CHD5: variants seen among roughly 807,000 people sequenced by gnomAD.
The protein encoded by CHD5 is ATP-dependent chromatin remodeler CHD5.
CHD5 carries 69 observed loss-of-function variants against 230.3 expected under a neutral mutation model. The observed-to-expected ratio is 0.30, with a 90% CI of 0.25 to 0.37. The LOEUF (loss-of-function observed/expected upper bound fraction) is 0.37. Among genes scored for constraint, CHD5 ranks in the 10% least tolerant of loss-of-function variants. CHD5 has a pLI of 1.00. For missense variants in CHD5, 1,827 were observed against 2,622.8 expected (o/e 0.70, Z 6.63); for synonymous variants, 1,064 against 1,065.9 (o/e 1.00, Z 0.03).
At chr1:6,137,493 C>T (rs1666764268) in intron 15 of CHD5, among the ~76,000 whole-genome samples, 1 of 152,134 alleles carries the variant, frequency 6.6e-6, no homozygotes, top group South Asian at 2.1e-4. Context: ...TCCCCCACTC[C>T]CCCCAGGGTT....
At chr1:6,106,368 T>C (rs1666166477) in intron 40 of CHD5, 27 bp downstream of exon 40, 2 of 1,610,300 alleles carry the variant, frequency 1.2e-6, no homozygotes, top group Non-Finnish European at 1.7e-6. Context: ...CCCGTGTGCA[T>C]GCTGCCCGGA....
chr1:6,177,142 C>A (rs56981723), intron 1 of CHD5, among the ~76,000 whole-genome samples: 1 of 152,170 alleles, frequency 6.6e-6, no homozygotes, highest in Non-Finnish European at 1.5e-5. Context: ...TAGCCGTAGA[C>A]TGAAAAATCA....
chr1:6,177,571 G>T (rs950072511), intron 1 of CHD5, among the ~76,000 whole-genome samples: 2 of 152,218 alleles, frequency 1.3e-5, no homozygotes, highest in Non-Finnish European at 2.9e-5. Flanking sequence ...TGAGGCAGGA[G>T]GATCGCTTGA....
rs184059502 is a variant in CHD5 at position 6,105,122 on chromosome 1, C to T, written c.*352G>A. 3.4e-4 allele frequency: 113 copies of T among 334,018 alleles called. No individual in the cohort carries two copies. Among genetic ancestry groups the T allele is most frequent in the African/African-American group, 1.9e-3 (90 of 46,352 alleles). 20.7% of individuals were successfully genotyped at this position (334,018 alleles called of 1,614,324 possible). On this transcript the variant is annotated 3_prime_UTR_variant, in exon 42 of 42. Coordinates refer to ENST00000262450, the MANE Select transcript of CHD5 (RefSeq NM_015557.3). The surrounding 1 kb of genome is among the most constrained non-coding windows in gnomAD (Gnocchi z 4.8). Reference sequence around the variant, plus strand: ...GTCATCCAACTTTTATCAAGACAAACGTGTTCAAGTCTTCAATAGGAAAGT... The same window carrying T: ...GTCATCCAACTTTTATCAAGACAAATGTGTTCAAGTCTTCAATAGGAAAGT...
chr1:6,132,362 C>G (rs1432763560), intron 20 of CHD5, among the ~76,000 whole-genome samples: 12 of 152,214 alleles, frequency 7.9e-5, no homozygotes, highest in Non-Finnish European at 1.8e-4. Flanking sequence ...TGAGAACGAT[C>G]TGGCTGCCCT....
At chr1:6,161,670 A>C (rs1411765247) in intron 2 of CHD5, among the ~76,000 whole-genome samples, 1 of 152,140 alleles carries the variant, frequency 6.6e-6, no homozygotes, top group Non-Finnish European at 1.5e-5. Flanking sequence ...GGGGAGGTGG[A>C]GATGAGACAG....
chr1:6,111,906 C>T (rs1421537862), intron 35 of CHD5, 23 bp from the exon 36 acceptor site: 1 of 1,606,070 alleles, frequency 6.2e-7, no homozygotes, highest in African/African-American at 1.3e-5. Context: ...CCAAGGTGAG[C>T]AGGGTGAGAA....
Position 6,146,967 on chromosome 1 carries a change from T to G in CHD5, c.1384-96A>C. On this transcript the variant is annotated intron_variant, in intron 9 of 41. Coordinates refer to ENST00000262450, the MANE Select transcript of CHD5 (RefSeq NM_015557.3). The surrounding 1 kb of genome is among the most constrained non-coding windows in gnomAD (Gnocchi z 5.1). Reference sequence around the variant, plus strand: ...AGGCTGCCATGCAGGCTCCCTCCCATCAGTGCCACTGCCCCCAAGTCAGAA... The same window carrying G: ...AGGCTGCCATGCAGGCTCCCTCCCAGCAGTGCCACTGCCCCCAAGTCAGAA... 1 of 921,490 alleles carries G rather than the reference T, an allele frequency of 1.1e-6. No homozygotes were observed. The highest frequency in any genetic ancestry group is 1.8e-5 in the South Asian group (1 of 57,072). The allele number at this position is 921,490 out of a possible 1,614,324, so 57.1% of individuals were successfully genotyped here.
At chr1:6,174,235 G>GGA (rs1030812047) in intron 1 of CHD5, among the ~76,000 whole-genome samples, 3 of 152,010 alleles carry the variant, frequency 2.0e-5, no homozygotes, top group Non-Finnish European at 2.9e-5. Context: ...GGGGACAGAG[G>GGA]GAGAGAGAGA....
rs1431775984 is a variant in CHD5, at chr1:6,103,523, A to G, written c.*1951T>C. Reference sequence around the variant, plus strand: ...CCAAGGAAGGTGGGCACTGCTCCCAACGAGGGCCAACCCCAGTGCTTGCCA... The same window carrying G: ...CCAAGGAAGGTGGGCACTGCTCCCAGCGAGGGCCAACCCCAGTGCTTGCCA... On this transcript the variant is annotated 3_prime_UTR_variant, in exon 42 of 42. Coordinates refer to ENST00000262450, the MANE Select transcript of CHD5 (RefSeq NM_015557.3). 1.3e-5 allele frequency: 2 copies of G among 152,464 alleles called. No individual in the cohort carries two copies. The highest frequency in any genetic ancestry group is 6.5e-5 in the Admixed American group (1 of 15,290). 9.4% of individuals were successfully genotyped at this position (152,464 alleles called of 1,614,324 possible). A position where few individuals can be genotyped will look rare whatever the true frequency, so the allele number is the denominator to read the frequency against.
Position 6,180,193 on chromosome 1 carries a change from AC to A in CHD5, c.-171del, listed in dbSNP as rs1237427668. 2.1e-4 allele frequency: 14 copies of A among 66,570 alleles called. No individual in the cohort carries two copies. The East Asian group carries it at 3.6e-3, about 17-fold the overall frequency. 4.1% of individuals were successfully genotyped at this position (66,570 alleles called of 1,614,324 possible). On this transcript the variant is annotated 5_prime_UTR_variant, in exon 1 of 42. Transcript: ENST00000262450. Reference sequence around the variant, plus strand: ...CCCAAACCTCCACCCCCCCGTCTCGACCCCCCTTTCTCTCGGCCGCCTTAGC... The same window carrying A: ...CCCAAACCTCCACCCCCCCGTCTCGACCCCCTTTCTCTCGGCCGCCTTAGC...
chr1:6,153,655 C>G (rs1352199210), intron 5 of CHD5, among the ~76,000 whole-genome samples: 2 of 152,170 alleles, frequency 1.3e-5, no homozygotes, highest in East Asian at 3.8e-4. Context: ...CACGGTGAAA[C>G]CCCGTCTCTA....
At chr1:6,115,428 C>T (rs1009982957) in intron 33 of CHD5, among the ~76,000 whole-genome samples, 8 of 152,142 alleles carry the variant, frequency 5.3e-5, no homozygotes, top group Non-Finnish European at 8.8e-5. Flanking sequence ...TTTTGCGGCA[C>T]GGGTGACCTT....
In CHD5 at chr1:6,131,004, C is replaced by G. The variant is rs943039862; in HGVS notation, c.3262+627G>C. ...GTTTGAGAGGAATCACTGCTTTGGG[C>G]GTTTGGAGAGCGTGGCCCCAGCCCC... is the stretch of plus-strand genomic sequence containing the variant. On this transcript the variant is annotated intron_variant, in intron 21 of 41. Transcript: ENST00000262450. This position sits in a 1 kb window ranked among gnomAD's most constrained non-coding sequence, Gnocchi z 5.0. 1.3e-5 allele frequency among the ~76,000 whole-genome samples: 2 copies of G among 152,274 alleles called. No homozygotes were observed. Among genetic ancestry groups the G allele is most frequent in the Non-Finnish European group, 2.9e-5 (2 of 68,044 alleles).
At chr1:6,140,277 G>A (rs1410819755) in intron 15 of CHD5, among the ~76,000 whole-genome samples, 1 of 152,142 alleles carries the variant, frequency 6.6e-6, no homozygotes, top group African/African-American at 2.4e-5. Context: ...GCACGCGCCT[G>A]TAGTCCCAGC....
At chr1:6,136,963 C>T in intron 15 of CHD5, 98 bp from the exon 16 acceptor site, 1 of 1,340,990 alleles carries the variant, frequency 7.5e-7, no homozygotes. Context: ...GCACAGGAAC[C>T]CACAAAGGCT....
chr1:6,159,227 TCACA>T (rs56933510), intron 3 of CHD5, 105 bp downstream of exon 3: 238,052 of 1,359,928 alleles, frequency 0.18, 6,573 homozygotes, highest in African/African-American at 0.38. Flanking sequence ...TGAGACTCCA[TCACA>T]CACACACACA....
chr1:6,116,283 T>A (rs539970117), intron 33 of CHD5, among the ~76,000 whole-genome samples: 1 of 152,242 alleles, frequency 6.6e-6, no homozygotes, highest in South Asian at 2.1e-4. Context: ...GTTTGTTGGA[T>A]GAATGAACCA....
intron 33 of CHD5, among the ~76,000 whole-genome samples, chr1:6,119,761 G>A (rs55942741): frequency 0.1 from 15,384 of 150,086 alleles, 867 homozygotes; most frequent in East Asian, 0.2. Context: ...GTACATACGT[G>A]CGTACATACG....
Sources: gnomAD v4.1 joint callset for allele counts (sites outside exome capture counted in the v4.1 genomes callset) on GRCh38, gnomAD v4.1.1 for gene constraint, Gnocchi (gnomAD v3.1) non-coding constraint, MANE v1.5 for transcripts, NCBI Gene and HGNC (gene_info 2026-07-23, HGNC 2026-07-21) for gene names.